DAB1: variants seen among roughly 807,000 people sequenced by gnomAD.
The protein encoded by DAB1 is DAB adaptor protein 1.
DAB1 carries 15 observed loss-of-function variants against 64.6 expected under a neutral mutation model. That is an observed-to-expected ratio of 0.23 (90% CI 0.16 to 0.36). The LOEUF is 0.36. DAB1 is among the 10% of genes least tolerant of loss of function. The pLI, the probability that DAB1 is intolerant of heterozygous loss-of-function variation, is 1.00. For synonymous variants in DAB1, 235 were observed against 251.9 expected (o/e 0.93, Z 0.64); for missense variants, 596 against 706.7 (o/e 0.84, Z 1.78).
At chr1:58,131,533 T>C (rs1419478236) in intron 5 of DAB1, among the ~76,000 whole-genome samples, 1 of 144,248 alleles carries the variant, frequency 6.9e-6, no homozygotes, top group Non-Finnish European at 1.5e-5. Flanking sequence ...GGAGAGGCGC[T>C]CTGCTTTTTA....
intron 5 of DAB1, among the ~76,000 whole-genome samples, chr1:57,987,634 A>C (rs2100363335): frequency 6.6e-6 from 1 of 152,292 alleles, no homozygotes; most frequent in East Asian, 1.9e-4. Flanking sequence ...GGTCCAAAGG[A>C]ATGCTAAAGG....
chr1:58,006,695 C>T (rs929190617), intron 5 of DAB1, among the ~76,000 whole-genome samples: 2 of 152,172 alleles, frequency 1.3e-5, no homozygotes, highest in Non-Finnish European at 2.9e-5. Flanking sequence ...AGGGCACCGC[C>T]TTCCTGCCCA....
At chr1:57,263,121 T>A (rs1670313445) in intron 2 of DAB1, among the ~76,000 whole-genome samples, 1 of 39,722 alleles carries the variant, frequency 2.5e-5, no homozygotes, top group South Asian at 9.4e-4. Flanking sequence ...GAAGATAAAA[T>A]TTTTTTTTTT....
At chr1:58,010,423 G>A (rs922040932) in intron 5 of DAB1, among the ~76,000 whole-genome samples, 3 of 152,078 alleles carry the variant, frequency 2.0e-5, no homozygotes, top group African/African-American at 4.8e-5. Context: ...TCTTCAAAGC[G>A]CCACACATGC....
intron 2 of DAB1, among the ~76,000 whole-genome samples, chr1:57,239,458 G>A (rs893911768): frequency 1.3e-5 from 2 of 152,122 alleles, no homozygotes; most frequent in Non-Finnish European, 2.9e-5. Context: ...ATGGGGCCTG[G>A]CAAATGGCAT....
intron 1 of DAB1, among the ~76,000 whole-genome samples, chr1:57,848,084 C>T (rs1366351308): frequency 6.6e-6 from 1 of 152,162 alleles, no homozygotes. Context: ...ATCCCCAGAG[C>T]CTGCCCCTTT....
chr1:57,538,099 T>C (rs2101439559), intron 7 of DAB1, among the ~76,000 whole-genome samples: 1 of 152,272 alleles, frequency 6.6e-6, no homozygotes, highest in South Asian at 2.1e-4. Flanking sequence ...TGGGATCAAA[T>C]TTCAACATGA....
chr1:57,313,302 T>C (rs1674894055), intron 1 of DAB1, among the ~76,000 whole-genome samples: 1 of 152,170 alleles, frequency 6.6e-6, no homozygotes, highest in African/African-American at 2.4e-5. Context: ...CCTAGCCTGG[T>C]CCCCACAATA....
At chr1:57,163,702 C>T (rs1375885718) in intron 2 of DAB1, among the ~76,000 whole-genome samples, 1 of 151,794 alleles carries the variant, frequency 6.6e-6, no homozygotes, top group Non-Finnish European at 1.5e-5. Context: ...GATGACAGCA[C>T]TAGATAAGAA....
chr1:57,346,926 G>A (rs888559364), intron 1 of DAB1, among the ~76,000 whole-genome samples: 5 of 152,262 alleles, frequency 3.3e-5, no homozygotes, highest in South Asian at 2.1e-4. Flanking sequence ...GGCAGTGTTC[G>A]GTGCTTGGAT....
rs1181206496 is a variant in DAB1, at chr1:58,446,207, G to A, written n.257+59853C>T. 4.6e-5 allele frequency among the ~76,000 whole-genome samples: 7 copies of A among 152,264 alleles called. No individual in the cohort carries two copies. The East Asian group carries it at 1.4e-3, about 29-fold the overall frequency. On this transcript the variant is annotated intron_variant and non_coding_transcript_variant, in intron 3 of 20. Transcript: ENST00000485760. Reference sequence around the variant, plus strand: ...TTTCGTCTTGTGCACTAGATTATAAGCTTCAGGCAGGCATTGGCCAAATCT... The same window carrying A: ...TTTCGTCTTGTGCACTAGATTATAAACTTCAGGCAGGCATTGGCCAAATCT...
At chr1:57,840,941 C>CTTAACTCATTCCAGCA (rs1553134490) in intron 1 of DAB1, among the ~76,000 whole-genome samples, 2 of 152,194 alleles carry the variant, frequency 1.3e-5, no homozygotes, top group African/African-American at 4.8e-5. Flanking sequence ...CCCTCAAAGT[C>CTTAACTCATTCCAGCA]TTAACTCATT....
chr1:57,829,136 A>T (rs1222830677), intron 1 of DAB1, among the ~76,000 whole-genome samples: 1 of 152,182 alleles, frequency 6.6e-6, no homozygotes, highest in Non-Finnish European at 1.5e-5. Flanking sequence ...TGACAGGCAC[A>T]GGTTCACTTA....
intron 2 of DAB1, among the ~76,000 whole-genome samples, chr1:57,275,494 T>C (rs1021864080): frequency 2.0e-5 from 3 of 152,174 alleles, no homozygotes; most frequent in Non-Finnish European, 2.9e-5. Flanking sequence ...AAAATTTGAA[T>C]CCTTTACAGA....
At chr1:57,674,325 A>C (rs1646541572) in intron 6 of DAB1, among the ~76,000 whole-genome samples, 2 of 152,188 alleles carry the variant, frequency 1.3e-5, no homozygotes, top group African/African-American at 4.8e-5. Flanking sequence ...TTTATGGATG[A>C]GCAAATTGAC....
intron 1 of DAB1, among the ~76,000 whole-genome samples, chr1:57,397,887 C>A (rs925834585): frequency 2.0e-5 from 3 of 152,212 alleles, no homozygotes; most frequent in African/African-American, 7.2e-5. Flanking sequence ...CAAGGCTTTG[C>A]ATTTAGCCCT....
chr1:57,689,936 T>C (rs1229641805), intron 6 of DAB1, among the ~76,000 whole-genome samples: 7 of 152,172 alleles, frequency 4.6e-5, no homozygotes. Flanking sequence ...GTAATCATAA[T>C]TCTATTCTCT....
chr1:57,335,993 G>A (rs1677048390), intron 1 of DAB1, among the ~76,000 whole-genome samples: 1 of 152,114 alleles, frequency 6.6e-6, no homozygotes, highest in Non-Finnish European at 1.5e-5. Context: ...AACCAAAAAA[G>A]CAAAGAAATA....
intron 5 of DAB1, chr1:58,049,064 T>G: frequency 1.3e-6 from 1 of 784,996 alleles, no homozygotes; most frequent in Non-Finnish European, 2.3e-6. Flanking sequence ...CCACCTTGTG[T>G]GGCCTTGCAT....
Sources: gnomAD v4.1 joint callset for allele counts (sites outside exome capture counted in the v4.1 genomes callset) on GRCh38, gnomAD v4.1.1 for gene constraint, MANE v1.5 for transcripts, NCBI Gene and HGNC (gene_info 2026-07-23, HGNC 2026-07-21) for gene names.